MDGA2: variants seen among roughly 807,000 people sequenced by gnomAD.
MDGA2 encodes the protein MAM domain-containing glycosylphosphatidylinositol anchor protein 2.
A neutral mutation model predicts 117.8 loss-of-function variants in MDGA2; 40 were observed. The observed-to-expected ratio is 0.34, with a 90% CI of 0.26 to 0.44. The LOEUF is 0.44. Among genes scored for constraint, MDGA2 ranks in the 20% least tolerant of loss-of-function variants. The pLI is 1.00. For missense variants in MDGA2, 1,123 were observed against 1,250.6 expected (o/e 0.90, Z 1.54); for synonymous variants, 452 against 439.0 (o/e 1.03, Z -0.37).
chr14:47,026,429 C>G (rs2138610109), intron 8 of MDGA2, among the ~76,000 whole-genome samples: 1 of 151,908 alleles, frequency 6.6e-6, no homozygotes, highest in East Asian at 1.9e-4. Context: ...AGGCATGGGT[C>G]TTTGATTAGA....
chr14:47,422,002 T>C (rs1183801948), intron 1 of MDGA2, among the ~76,000 whole-genome samples: 1 of 152,132 alleles, frequency 6.6e-6, no homozygotes, highest in South Asian at 2.1e-4. Flanking sequence ...TTAACAATAT[T>C]CTTTGAAGTT....
At chr14:47,018,058 A>G (rs1461742234) in intron 8 of MDGA2, among the ~76,000 whole-genome samples, 1 of 152,092 alleles carries the variant, frequency 6.6e-6, no homozygotes, top group Non-Finnish European at 1.5e-5. Flanking sequence ...CACACACTAT[A>G]AAGAGAAGTA....
chr14:47,328,587 G>A (rs182256461), intron 1 of MDGA2, among the ~76,000 whole-genome samples: 132 of 152,290 alleles, frequency 8.7e-4, no homozygotes, highest in African/African-American at 3.0e-3. Flanking sequence ...TAATTGGCAA[G>A]TGTGAATTCG....
At chr14:46,914,525 T>G (rs181613393) in intron 10 of MDGA2, among the ~76,000 whole-genome samples, 1 of 152,194 alleles carries the variant, frequency 6.6e-6, no homozygotes, top group East Asian at 1.9e-4. Context: ...ACTTTCCTAA[T>G]CAAATTTAAG....
At chr14:47,355,961 C>A (rs1890985079) in intron 1 of MDGA2, among the ~76,000 whole-genome samples, 1 of 152,148 alleles carries the variant, frequency 6.6e-6, no homozygotes, top group African/African-American at 2.4e-5. Context: ...TCTCCCAAAC[C>A]CCACTGAGGT....
At chr14:47,089,243 A>G (rs1002586948) in intron 6 of MDGA2, among the ~76,000 whole-genome samples, 3 of 152,300 alleles carry the variant, frequency 2.0e-5, no homozygotes, top group African/African-American at 7.2e-5. Context: ...TTTGGCTAAA[A>G]TTTGAATCGC....
chr14:47,262,022 T>C (rs1887813094), intron 2 of MDGA2, among the ~76,000 whole-genome samples: 1 of 152,124 alleles, frequency 6.6e-6, no homozygotes, highest in Admixed American at 6.6e-5. Flanking sequence ...AGGTAGTCAC[T>C]TCCAGAATCC....
intron 1 of MDGA2, among the ~76,000 whole-genome samples, chr14:47,320,459 T>G (rs1243190602): frequency 6.6e-6 from 1 of 152,292 alleles, no homozygotes; most frequent in African/African-American, 2.4e-5. Context: ...AGAATATAGT[T>G]ACCAAACCTG....
At chr14:47,151,840 C>A (rs763916) in intron 3 of MDGA2, among the ~76,000 whole-genome samples, 13,921 of 151,538 alleles carry the variant, frequency 0.092, 737 homozygotes, top group African/African-American at 0.1. Context: ...AGGACTCATA[C>A]CTTATATTTA....
chr14:47,393,134 G>C (rs540922721), intron 1 of MDGA2, among the ~76,000 whole-genome samples: 1 of 150,660 alleles, frequency 6.6e-6, no homozygotes, highest in East Asian at 2.0e-4. Flanking sequence ...TGCAAGAAGG[G>C]ATACAAATAG....
At chr14:47,190,939 A>C (rs1432894087) in intron 3 of MDGA2, among the ~76,000 whole-genome samples, 2 of 152,134 alleles carry the variant, frequency 1.3e-5, no homozygotes, top group Non-Finnish European at 2.9e-5. Context: ...CAGTTAGTGC[A>C]GTTTTTTTCT....
intron 1 of MDGA2, among the ~76,000 whole-genome samples, chr14:47,435,553 C>T (rs1892880143): frequency 6.6e-6 from 1 of 152,114 alleles, no homozygotes; most frequent in Admixed American, 6.6e-5. Context: ...AACCACCTGG[C>T]TTAGCACTGT....
intron 1 of MDGA2, among the ~76,000 whole-genome samples, chr14:47,331,658 C>T (rs530954629): frequency 7.2e-4 from 110 of 151,912 alleles, no homozygotes; most frequent in African/African-American, 2.3e-3. Flanking sequence ...CTTAGCATTG[C>T]TTGGTTTTTG....
Position 47,531,728 on chromosome 14 carries a change from T to A in MDGA2, c.280+142789A>T, listed in dbSNP as rs564904202. On this transcript the variant is annotated intron_variant, in intron 1 of 16. Coordinates refer to ENST00000399232, the MANE Select transcript of MDGA2 (RefSeq NM_001113498.3). ...GACATGTTGATAAAGACTTGTCAAA[T>A]GTTGACTGCAACACTGAATGCATTT... Among the ~76,000 whole-genome samples the A allele has an allele frequency of 6.6e-5, 10 of 152,350 alleles. No individual in the cohort carries two copies. The South Asian group carries it at 1.4e-3, about 22-fold the overall frequency.
chr14:47,231,403 T>C (rs534513818), intron 2 of MDGA2, among the ~76,000 whole-genome samples: 2 of 152,198 alleles, frequency 1.3e-5, no homozygotes, highest in Admixed American at 1.3e-4. Flanking sequence ...ATGGAAGTCC[T>C]ACACCATCTG....
intron 5 of MDGA2, among the ~76,000 whole-genome samples, chr14:47,105,946 T>C (rs1441093430): frequency 8.5e-6 from 1 of 117,046 alleles, no homozygotes; most frequent in Non-Finnish European, 1.7e-5. Context: ...TCACACCTGG[T>C]CCGGCTTACA....
intron 1 of MDGA2, among the ~76,000 whole-genome samples, chr14:47,435,940 A>C (rs887392175): frequency 2.0e-5 from 3 of 152,042 alleles, no homozygotes; most frequent in Admixed American, 6.6e-5. Context: ...TTTCCAACTG[A>C]CCTAAAATCA....
chr14:47,516,753 C>A (rs1345744158), intron 1 of MDGA2, among the ~76,000 whole-genome samples: 2 of 152,104 alleles, frequency 1.3e-5, no homozygotes, highest in Non-Finnish European at 2.9e-5. Context: ...ACATCAGGAA[C>A]CTTTAGATCA....
At chr14:47,376,130 G>C (rs1891473135) in intron 1 of MDGA2, among the ~76,000 whole-genome samples, 1 of 152,102 alleles carries the variant, frequency 6.6e-6, no homozygotes, top group Admixed American at 6.5e-5. Context: ...CAATGTCTCT[G>C]TCCCAAAGCA....
Sources: gnomAD v4.1 joint callset for allele counts (sites outside exome capture counted in the v4.1 genomes callset) on GRCh38, gnomAD v4.1.1 for gene constraint, MANE v1.5 for transcripts, NCBI Gene and HGNC (gene_info 2026-07-23, HGNC 2026-07-21) for gene names.